The following CFAP44 variants were observed in gnomAD, a reference collection of about 807,000 sequenced individuals.
CFAP44 encodes cilia and flagella associated protein 44.
In CFAP44, 134 loss-of-function variants were observed where a neutral mutation model predicts 216.2. The observed-to-expected ratio is 0.62, with a 90% CI of 0.54 to 0.72. The LOEUF (loss-of-function observed/expected upper bound fraction) is 0.72. Ranked by LOEUF, CFAP44 falls within the 30% of genes least tolerant of loss-of-function variation. The pLI is 0.00. For missense variants in CFAP44, 2,035 were observed against 2,182.1 expected, an observed-to-expected ratio of 0.93 and a Z score of 1.34; for synonymous variants, 700 against 727.6, an observed-to-expected ratio of 0.96 and a Z score of 0.61.
chr3:113,428,735 C>A (rs573857075), intron 2 of CFAP44, among the ~76,000 whole-genome samples: 1 of 152,178 alleles, frequency 6.6e-6, no homozygotes. Flanking sequence ...TTAGTGGAGA[C>A]TGAACAAGGA....
intron 33 of CFAP44, 105 bp downstream of exon 33, chr3:113,296,620 C>G: frequency 7.4e-7 from 1 of 1,348,056 alleles, no homozygotes; most frequent in Middle Eastern, 1.9e-4. Context: ...GGCTCGCGGA[C>G]CAGCTCCAGC....
chr3:113,430,653 T>A (rs1935084203), intron 2 of CFAP44, among the ~76,000 whole-genome samples: 1 of 151,976 alleles, frequency 6.6e-6, no homozygotes, highest in Admixed American at 6.6e-5. Flanking sequence ...CTTGCAAAAC[T>A]TAGTAAAGAA....
chr3:113,312,073 GT>G (rs199653080), intron 28 of CFAP44, among the ~76,000 whole-genome samples: 26,109 of 126,586 alleles, frequency 0.21, 2,138 homozygotes, highest in East Asian at 0.36. Context: ...GTGTGTGTGT[GT>G]TTTTTTTTTT....
chr3:113,292,942 C>T (rs114792336), intron 34 of CFAP44, among the ~76,000 whole-genome samples: 244 of 152,266 alleles, frequency 1.6e-3, no homozygotes, highest in Non-Finnish European at 2.3e-3. Context: ...AACATGGGAG[C>T]TGAAGCAGCT....
At chr3:113,372,158 G>T (rs1047534136) in intron 18 of CFAP44, among the ~76,000 whole-genome samples, 5 of 152,206 alleles carry the variant, frequency 3.3e-5, no homozygotes, top group Admixed American at 6.5e-5. Context: ...AACCATTGTG[G>T]AAGACAGTGT....
chr3:113,290,123 C>T lies in CFAP44; in HGVS notation c.*1434G>A. 1 of 152,130 alleles carries T rather than the reference C, an allele frequency of 6.6e-6. No individual in the cohort carries two copies. Among genetic ancestry groups the T allele is most frequent in the Non-Finnish European group, 1.5e-5 (1 of 68,014 alleles). 9.4% of individuals were successfully genotyped at this position (152,130 alleles called of 1,614,324 possible). On this transcript the variant is annotated 3_prime_UTR_variant, in exon 35 of 35. Coordinates refer to ENST00000393845, the MANE Select transcript of CFAP44 (RefSeq NM_001164496.2). ...ATAAATAAGACACTCAGGGCTATGACTAGCATATTTTTAAAAATACTTGAA... is the reference window on the plus strand; with the variant it reads ...ATAAATAAGACACTCAGGGCTATGATTAGCATATTTTTAAAAATACTTGAA...
chr3:113,315,089 A>T (rs994671695), intron 28 of CFAP44, among the ~76,000 whole-genome samples: 3 of 152,134 alleles, frequency 2.0e-5, no homozygotes, highest in Admixed American at 6.5e-5. Context: ...AATACCAACA[A>T]TTGTATTAAA....
In CFAP44 at chr3:113,294,740, A is replaced by T; in HGVS notation, c.5320T>A (p.Cys1774Ser). 1 of 1,536,458 alleles carries T rather than the reference A, an allele frequency of 6.5e-7. No individual in the cohort carries two copies. Among genetic ancestry groups the T allele is most frequent in the Non-Finnish European group, 8.7e-7 (1 of 1,146,568 alleles). Residue 1774 changes from cysteine to serine, a missense_variant, in exon 34 of 35, where the codon TGT (cysteine) becomes AGT (serine). By Grantham distance (112) the Cys-to-Ser change is moderately radical. Transcript: ENST00000393845. ...TRKLYQMNDL[C>S]IEKKKLDSRL... Reference sequence around the variant, plus strand: ...GAATCAAGTTTCTTCTTTTCAATACACAAATCATTCATCTGATAAAGCTTT... The same window carrying T: ...GAATCAAGTTTCTTCTTTTCAATACTCAAATCATTCATCTGATAAAGCTTT...
At chr3:113,395,574 T>C (rs933697130) in intron 15 of CFAP44, among the ~76,000 whole-genome samples, 176 bp downstream of exon 15, 1 of 152,202 alleles carries the variant, frequency 6.6e-6, no homozygotes, top group Admixed American at 6.5e-5. Flanking sequence ...TCCTGAGTGA[T>C]GCTCTACGGG....
rs147661037 is a variant in CFAP44 at position 113,396,648 on chromosome 3, C to T, written c.1649G>A (p.Gly550Glu). ...VRILELYDPK[G>E]LTIFAGRKKI... Reference sequence around the variant, plus strand: ...CTTCCGTCCCGCAAAAATCGTGAGCCCTTTTGGATCATAAAGTTCAAGAAT... The same window carrying T: ...CTTCCGTCCCGCAAAAATCGTGAGCTCTTTTGGATCATAAAGTTCAAGAAT... Residue 550 changes from glycine (G) to glutamate (E), a missense_variant, in exon 14 of 35, where the codon GGG (glycine) becomes GAG (glutamate). Gly to Glu is a moderately conservative substitution (Grantham distance 98, BLOSUM62 -2). Transcript: ENST00000393845. The T allele has an allele frequency of 6.2e-7, 1 of 1,614,056 alleles. No individual in the cohort carries two copies. The highest frequency in any genetic ancestry group is 8.5e-7 in the Non-Finnish European group (1 of 1,180,000).
intron 4 of CFAP44, 64 bp downstream of exon 4, chr3:113,426,058 GTT>G: frequency 6.4e-7 from 1 of 1,565,718 alleles, no homozygotes; most frequent in Non-Finnish European, 8.6e-7. Context: ...CTGGGCTATA[GTT>G]TGCTGACCTC....
chr3:113,401,111 C>T, intron 11 of CFAP44, 129 bp downstream of exon 11: 1 of 741,366 alleles, frequency 1.3e-6, no homozygotes, highest in Non-Finnish European at 2.2e-6. Flanking sequence ...TCAAGAGTAG[C>T]ACATGTTAGG....
intron 3 of CFAP44, chr3:113,426,764 A>G: frequency 4.8e-6 from 1 of 208,188 alleles, no homozygotes; most frequent in Admixed American, 5.6e-5. Flanking sequence ...AGTAAGTACT[A>G]CTACTGGCTG....
At chr3:113,438,648 A>C (rs573765127) in intron 1 of CFAP44, among the ~76,000 whole-genome samples, 48 of 152,340 alleles carry the variant, frequency 3.2e-4, no homozygotes, top group African/African-American at 1.1e-3. Context: ...GGGTGAGCAC[A>C]TTCTGTTCAT....
intron 23 of CFAP44, among the ~76,000 whole-genome samples, chr3:113,342,629 C>G (rs1038080571): frequency 1.3e-5 from 2 of 152,016 alleles, no homozygotes; most frequent in Non-Finnish European, 2.9e-5. Flanking sequence ...GTTGCACATA[C>G]CAACTGAAGT....
chr3:113,374,415 T>A (rs1042329239), intron 17 of CFAP44, among the ~76,000 whole-genome samples: 18 of 148,678 alleles, frequency 1.2e-4, no homozygotes, highest in African/African-American at 4.2e-4. Context: ...ATACTTTAAG[T>A]TCCAGGGTAC....
At chr3:113,396,416 G>C (rs1048446608) in intron 14 of CFAP44, 102 bp downstream of exon 14, 1 of 1,280,288 alleles carries the variant, frequency 7.8e-7, no homozygotes, top group Non-Finnish European at 1.1e-6. Flanking sequence ...TATATTGATA[G>C]AAAATGAATT....
intron 15 of CFAP44, among the ~76,000 whole-genome samples, chr3:113,390,696 C>A (rs1400774118): frequency 6.6e-6 from 1 of 151,906 alleles, no homozygotes; most frequent in Non-Finnish European, 1.5e-5. Flanking sequence ...TTCTATACAC[C>A]AACAGCAAAC....
chr3:113,309,211 T>G (rs991069930), intron 28 of CFAP44, among the ~76,000 whole-genome samples: 1 of 152,222 alleles, frequency 6.6e-6, no homozygotes, highest in African/African-American at 2.4e-5. Flanking sequence ...CTTCTCCCAA[T>G]GGAGAGAACT....
Sources: allele counts gnomAD v4.1 joint callset (sites outside exome capture counted in the v4.1 genomes callset), GRCh38; gene constraint gnomAD v4.1.1; transcripts MANE v1.5; gene names NCBI Gene and HGNC (gene_info 2026-07-23, HGNC 2026-07-21).